Variants in SEMA5B observed in about 807,000 individuals in gnomAD.
The protein encoded by SEMA5B is semaphorin 5B, also known as semaphorin-5B.
Under a neutral mutation model 135.0 loss-of-function variants are expected in SEMA5B, and 66 were observed. That is an observed-to-expected ratio of 0.49 (90% CI 0.40 to 0.60). The LOEUF (loss-of-function observed/expected upper bound fraction) is 0.60, where lower values mean the gene tolerates loss of function less well. Ranked by LOEUF, SEMA5B falls within the 20% of genes least tolerant of loss-of-function variation. The pLI is 0.00. For synonymous variants in SEMA5B, 690 were observed against 639.5 expected (o/e 1.08, Z -1.19); for missense variants, 1,501 against 1,566.3 (o/e 0.96, Z 0.70).
intron 1 of SEMA5B, among the ~76,000 whole-genome samples, chr3:123,024,759 T>C (rs1263630780): frequency 6.6e-6 from 1 of 152,224 alleles, no homozygotes; most frequent in Non-Finnish European, 1.5e-5. Flanking sequence ...CCAAGGCAGA[T>C]GAGCTCACTT....
chr3:122,956,822 C>A (rs1296519384), intron 2 of SEMA5B, among the ~76,000 whole-genome samples: 1 of 152,108 alleles, frequency 6.6e-6, no homozygotes, highest in East Asian at 1.9e-4. Context: ...CGGGAAGCAG[C>A]TGATGTGAGT....
intron 18 of SEMA5B, among the ~76,000 whole-genome samples, 157 bp downstream of exon 18, chr3:122,912,686 C>T (rs939859230): frequency 5.3e-5 from 8 of 151,856 alleles, no homozygotes; most frequent in South Asian, 2.1e-4. Flanking sequence ...CATCTACGGC[C>T]GGGGCAGAAA....
chr3:122,917,164 G>T (rs1938113868), intron 12 of SEMA5B, among the ~76,000 whole-genome samples: 1 of 152,160 alleles, frequency 6.6e-6, no homozygotes. Context: ...AATCCTGGGG[G>T]ATACCTCGAT....
At chr3:123,001,045 C>A (rs922738853) in intron 1 of SEMA5B, among the ~76,000 whole-genome samples, 1 of 152,118 alleles carries the variant, frequency 6.6e-6, no homozygotes, top group African/African-American at 2.4e-5. Flanking sequence ...AGGAGCAGGG[C>A]AGATTTCATA....
intron 1 of SEMA5B, among the ~76,000 whole-genome samples, chr3:122,982,696 C>A (rs975179335): frequency 3.3e-5 from 5 of 152,176 alleles, no homozygotes; most frequent in Non-Finnish European, 7.3e-5. Context: ...CACCACCCCC[C>A]ACCCCCCAGG....
At chr3:123,002,382 C>T (rs1489967350) in intron 1 of SEMA5B, among the ~76,000 whole-genome samples, 1 of 152,228 alleles carries the variant, frequency 6.6e-6, no homozygotes, top group African/African-American at 2.4e-5. Context: ...CTCCCAAATG[C>T]TTTTGTGTGG....
chr3:122,961,572 G>T (rs12490742), intron 1 of SEMA5B, among the ~76,000 whole-genome samples: 35,829 of 151,634 alleles, frequency 0.24, 4,325 homozygotes, highest in East Asian at 0.37. Context: ...AGATCCTCCT[G>T]CCTCAGCCCC....
At chr3:123,018,098 G>C (rs970377669) in intron 1 of SEMA5B, among the ~76,000 whole-genome samples, 1 of 152,290 alleles carries the variant, frequency 6.6e-6, no homozygotes. Flanking sequence ...AATCAGGAAA[G>C]GAAGTGGTGT....
intron 10 of SEMA5B, among the ~76,000 whole-genome samples, chr3:122,923,084 G>C (rs1938449945): frequency 6.6e-6 from 1 of 152,144 alleles, no homozygotes; most frequent in South Asian, 2.1e-4. Context: ...CACCCCCTGG[G>C]TGGGAAGCTG....
chr3:123,026,468 G>T (rs1942802897), intron 1 of SEMA5B, among the ~76,000 whole-genome samples: 1 of 151,844 alleles, frequency 6.6e-6, no homozygotes, highest in African/African-American at 2.4e-5. Flanking sequence ...GCGGGGAGGA[G>T]GGGGCCAGAA....
intron 1 of SEMA5B, 149 bp from the exon 2 acceptor site, chr3:122,961,450 T>C (rs1030489205): frequency 1.1e-5 from 8 of 727,384 alleles, no homozygotes; most frequent in Non-Finnish European, 1.7e-5. Context: ...ACCACAGTAA[T>C]GGCTTGAAAC....
At chr3:122,928,463 G>T in intron 7 of SEMA5B, 54 bp downstream of exon 7, 1 of 1,420,760 alleles carries the variant, frequency 7.0e-7, no homozygotes, top group Non-Finnish European at 9.6e-7. Flanking sequence ...TGCCTAGGCA[G>T]GAGAACCCCC....
chr3:122,977,329 A>C (rs1339863464), intron 1 of SEMA5B, among the ~76,000 whole-genome samples: 1 of 152,260 alleles, frequency 6.6e-6, no homozygotes, highest in Non-Finnish European at 1.5e-5. Flanking sequence ...GCTGAATAAT[A>C]AACGAATTGC....
chr3:122,923,437 C>T (rs1291483240), intron 10 of SEMA5B, among the ~76,000 whole-genome samples, 180 bp downstream of exon 10: 1 of 152,208 alleles, frequency 6.6e-6, no homozygotes, highest in Non-Finnish European at 1.5e-5. Context: ...CACCCACTCT[C>T]CCTCACAGTT....
At chr3:122,949,309 A>G (rs1226166231) in intron 2 of SEMA5B, among the ~76,000 whole-genome samples, 1 of 152,238 alleles carries the variant, frequency 6.6e-6, no homozygotes, top group Admixed American at 6.5e-5. Flanking sequence ...CATAAGGAAA[A>G]TGACAAACTA....
intron 4 of SEMA5B, 28 bp downstream of exon 4, chr3:122,943,401 GCACTTCC>G (rs1460762747): frequency 6.2e-6 from 9 of 1,449,046 alleles, no homozygotes; most frequent in Non-Finnish European, 8.6e-6. Flanking sequence ...CCAAGCCCCT[GCACTTCC>G]CACCCCGACC....
chr3:123,026,711 A>T (rs1342318775), intron 1 of SEMA5B, among the ~76,000 whole-genome samples: 2 of 152,120 alleles, frequency 1.3e-5, no homozygotes, highest in Non-Finnish European at 2.9e-5. Flanking sequence ...GCAGGACGTG[A>T]GCGGAAAGTG....
chr3:123,023,155 C>T (rs1195465620), intron 1 of SEMA5B, among the ~76,000 whole-genome samples: 1 of 152,194 alleles, frequency 6.6e-6, no homozygotes, highest in Non-Finnish European at 1.5e-5. Flanking sequence ...TCTGTCAATT[C>T]AATGAAATTC....
At chr3:122,994,457 G>A (rs1185426160) in intron 1 of SEMA5B, among the ~76,000 whole-genome samples, 2 of 152,214 alleles carry the variant, frequency 1.3e-5, no homozygotes, top group Non-Finnish European at 2.9e-5. Context: ...GCCTGTGAAA[G>A]TGGGGAGGCC....
Sources: gnomAD v4.1 joint callset for allele counts (sites outside exome capture counted in the v4.1 genomes callset) on GRCh38, gnomAD v4.1.1 for gene constraint, MANE v1.5 for transcripts, NCBI Gene and HGNC (gene_info 2026-07-23, HGNC 2026-07-21) for gene names.